NDUFAF2: variants seen among roughly 807,000 people sequenced by gnomAD.
NDUFAF2 encodes the protein NADH dehydrogenase [ubiquinone] 1 alpha subcomplex assembly factor 2.
In NDUFAF2, 13 loss-of-function variants were observed where a neutral mutation model predicts 22.8. The observed-to-expected ratio is 0.57, with a 90% CI of 0.37 to 0.91. The LOEUF (loss-of-function observed/expected upper bound fraction) is 0.91. Among genes scored for constraint, NDUFAF2 ranks in the 40% least tolerant of loss-of-function variants. NDUFAF2 has a pLI of 0.01. For missense variants in NDUFAF2, 162 were observed against 195.2 expected, an observed-to-expected ratio of 0.83 and a Z score of 1.01; for synonymous variants, 53 against 64.2, an observed-to-expected ratio of 0.83 and a Z score of 0.84.
At chr5:60,997,714 A>G (rs1350475004) in intron 1 of NDUFAF2, among the ~76,000 whole-genome samples, 1 of 152,188 alleles carries the variant, frequency 6.6e-6, no homozygotes, top group Non-Finnish European at 1.5e-5. Context: ...AAACAAATAA[A>G]AGTTTTCAGG....
At chr5:61,043,734 T>C (rs79471051) in intron 1 of NDUFAF2, among the ~76,000 whole-genome samples, 1 of 122,808 alleles carries the variant, frequency 8.1e-6, no homozygotes, top group Non-Finnish European at 2.0e-5. Context: ...TCTACATCTA[T>C]ATTACATTTT....
At chr5:61,018,218 T>G (rs1245275365) in intron 1 of NDUFAF2, among the ~76,000 whole-genome samples, 2 of 152,230 alleles carry the variant, frequency 1.3e-5, no homozygotes, top group African/African-American at 4.8e-5. Context: ...CGGGTGTGTC[T>G]TCCTAACTTC....
rs73097707 is a variant in NDUFAF2 at position 61,023,625 on chromosome 5, A to G, written c.128-49500A>G. Among the ~76,000 whole-genome samples, 717 of 152,302 alleles carry G rather than the reference A, an allele frequency of 4.7e-3. 13 individuals are homozygous for G. The highest frequency in any genetic ancestry group is 0.016 in the African/African-American group (674 of 41,570). On this transcript the variant is annotated intron_variant, in intron 1 of 3. Transcript: ENST00000296597. Reference sequence around the variant, plus strand: ...ATTTTATGTTACTTTTAAATTTTACACCACGGAATTATGTAAATTTAAAAC... The same window carrying G: ...ATTTTATGTTACTTTTAAATTTTACGCCACGGAATTATGTAAATTTAAAAC...
At chr5:61,003,895 G>C (rs1751331133) in intron 1 of NDUFAF2, among the ~76,000 whole-genome samples, 1 of 151,894 alleles carries the variant, frequency 6.6e-6, no homozygotes, top group South Asian at 2.1e-4. Flanking sequence ...CTGAAGCTCT[G>C]TCCTCAAGTG....
intron 3 of NDUFAF2, among the ~76,000 whole-genome samples, chr5:61,147,461 A>G (rs1301301471): frequency 2.7e-4 from 8 of 30,140 alleles, no homozygotes; most frequent in African/African-American, 5.2e-4. Flanking sequence ...TTTTGTAGCA[A>G]CAGGGTTTCA....
chr5:61,017,653 CTG>C (rs1751529610), intron 1 of NDUFAF2, among the ~76,000 whole-genome samples: 1 of 152,152 alleles, frequency 6.6e-6, no homozygotes, highest in Non-Finnish European at 1.5e-5. Context: ...AGTCTCAACT[CTG>C]TGAAACACAC....
intron 1 of NDUFAF2, among the ~76,000 whole-genome samples, chr5:61,038,692 T>A (rs1751833443): frequency 6.6e-6 from 1 of 152,156 alleles, no homozygotes; most frequent in South Asian, 2.1e-4. Flanking sequence ...TAAAAGAAAC[T>A]GATTGGTGTT....
intron 3 of NDUFAF2, among the ~76,000 whole-genome samples, chr5:61,106,235 C>G (rs1424110562): frequency 6.6e-6 from 1 of 151,314 alleles, no homozygotes; most frequent in African/African-American, 2.5e-5. Flanking sequence ...GATTACTTAT[C>G]AATTACAAAA....
At chr5:61,046,763 C>T (rs1412143253) in intron 1 of NDUFAF2, among the ~76,000 whole-genome samples, 2 of 152,124 alleles carry the variant, frequency 1.3e-5, no homozygotes, top group Non-Finnish European at 2.9e-5. Flanking sequence ...GCAAAGAATT[C>T]ATGCATACTT....
In NDUFAF2 at chr5:61,038,846, T is replaced by C. The variant is rs183246767; in HGVS notation, c.128-34279T>C. Among the ~76,000 whole-genome samples the C allele has an allele frequency of 1.7e-3, 263 of 151,824 alleles. 1 individual carries two copies. Among genetic ancestry groups the C allele is most frequent in the African/African-American group, 6.1e-3 (252 of 41,522 alleles). On this transcript the variant is annotated intron_variant, in intron 1 of 3. Transcript: ENST00000296597. Reference sequence around the variant, plus strand: ...TTAATTGATGCTCTCTTTGCAGCTATAACTTTTTTTTTTCATTTCATTTTA... The same window carrying C: ...TTAATTGATGCTCTCTTTGCAGCTACAACTTTTTTTTTTCATTTCATTTTA...
intron 1 of NDUFAF2, among the ~76,000 whole-genome samples, chr5:60,952,487 A>G (rs62370483): frequency 0.2 from 30,365 of 151,646 alleles, 3,590 homozygotes; most frequent in Non-Finnish European, 0.27. Flanking sequence ...ATATTTGGAG[A>G]TTTTCTAGAT....
intron 3 of NDUFAF2, among the ~76,000 whole-genome samples, chr5:61,106,474 A>G (rs1752764841): frequency 6.6e-6 from 1 of 151,448 alleles, no homozygotes; most frequent in African/African-American, 2.5e-5. Flanking sequence ...CGTGCATACA[A>G]TGCGTAATAA....
intron 1 of NDUFAF2, among the ~76,000 whole-genome samples, chr5:61,040,042 C>T (rs897161134): frequency 1.3e-5 from 2 of 152,008 alleles, no homozygotes; most frequent in African/African-American, 2.4e-5. Context: ...TTTACACAAC[C>T]TGGCAAGTAT....
At chr5:61,068,542 A>C (rs1339137835) in intron 1 of NDUFAF2, among the ~76,000 whole-genome samples, 1 of 152,142 alleles carries the variant, frequency 6.6e-6, no homozygotes, top group Admixed American at 6.6e-5. Context: ...ATAATCTATT[A>C]GTTACAATAG....
At chr5:61,046,011 T>G (rs1751950114) in intron 1 of NDUFAF2, among the ~76,000 whole-genome samples, 1 of 152,074 alleles carries the variant, frequency 6.6e-6, no homozygotes, top group South Asian at 2.1e-4. Flanking sequence ...TTGTTGAGAG[T>G]TTTTATCGTG....
At chr5:61,059,158 GA>G (rs1752134058) in intron 1 of NDUFAF2, among the ~76,000 whole-genome samples, 2 of 152,024 alleles carry the variant, frequency 1.3e-5, no homozygotes, top group South Asian at 4.1e-4. Flanking sequence ...ATAATCAGAA[GA>G]CCTGCTTAAC....
At chr5:60,988,152 C>T (rs562962827) in intron 1 of NDUFAF2, among the ~76,000 whole-genome samples, 11 of 151,994 alleles carry the variant, frequency 7.2e-5, no homozygotes, top group East Asian at 3.9e-4. Context: ...AGTGAAGAGC[C>T]GTATCAGGAA....
At chr5:61,049,926 T>C (rs1752003833) in intron 1 of NDUFAF2, among the ~76,000 whole-genome samples, 1 of 132,630 alleles carries the variant, frequency 7.5e-6, no homozygotes, top group Admixed American at 7.5e-5. Context: ...CAGTCTGACA[T>C]GTATAGTCTG....
At chr5:61,108,169 A>G (rs1222631630) in intron 3 of NDUFAF2, among the ~76,000 whole-genome samples, 1 of 148,478 alleles carries the variant, frequency 6.7e-6, no homozygotes, top group Non-Finnish European at 1.5e-5. Flanking sequence ...ATACGTGTGC[A>G]TGTGTCTTTA....
Sources: allele counts gnomAD v4.1 joint callset (sites outside exome capture counted in the v4.1 genomes callset), GRCh38; gene constraint gnomAD v4.1.1; transcripts MANE v1.5; gene names NCBI Gene and HGNC (gene_info 2026-07-23, HGNC 2026-07-21).